The following RALGAPA1 variants were observed in gnomAD, a reference collection of about 807,000 sequenced individuals.
RALGAPA1 encodes the protein Ral GTPase activating protein catalytic subunit alpha 1, also known as ral GTPase-activating protein subunit alpha-1.
Under a neutral mutation model 269.6 loss-of-function variants are expected in RALGAPA1, and 52 were observed. The observed-to-expected ratio is 0.19, with a 90% confidence interval of 0.15 to 0.24. The LOEUF is 0.24. Ranked by LOEUF, RALGAPA1 falls within the 10% of genes least tolerant of loss-of-function variation. The probability of loss-of-function intolerance (pLI) is 1.00; values close to 1 mark genes in which losing one functional copy is unlikely to be tolerated. For missense variants in RALGAPA1, 1,917 were observed against 3,013.9 expected (o/e 0.64, Z 8.52); for synonymous variants, 817 against 1,008.3 (o/e 0.81, Z 3.60).
intron 35 of RALGAPA1, among the ~76,000 whole-genome samples, chr14:35,614,773 G>A (rs1411084031): frequency 6.6e-6 from 1 of 151,954 alleles, no homozygotes; most frequent in Admixed American, 6.6e-5. Context: ...AATTCTAATT[G>A]TGAAAGAAAA....
chr14:35,799,563 GA>G (rs71124716), intron 1 of RALGAPA1, among the ~76,000 whole-genome samples: 24,861 of 108,716 alleles, frequency 0.23, 2,340 homozygotes, highest in African/African-American at 0.33. Context: ...CTCGGTCCCA[GA>G]AAAAAAAAAA....
chr14:35,715,920 G>A, intron 16 of RALGAPA1: 1 of 985,300 alleles, frequency 1.0e-6, no homozygotes, highest in African/African-American at 1.7e-5. Flanking sequence ...AAATGAGTAA[G>A]AAGAGTCTTA....
At chr14:35,718,676 C>T (rs1377132868) in intron 16 of RALGAPA1, among the ~76,000 whole-genome samples, 1 of 151,812 alleles carries the variant, frequency 6.6e-6, no homozygotes, top group South Asian at 2.1e-4. Flanking sequence ...ATTAGCCAGG[C>T]GTGGTGGCAT....
chr14:35,775,754 T>C lies in RALGAPA1; in HGVS notation c.107-9A>G. The stretch of plus-strand genomic sequence containing the variant: ...AATAGATTCTGCATTCTCTGAAAAA[T>C]AAAAAAAAATTACTGATTATTTACA... On this transcript the variant is annotated splice_polypyrimidine_tract_variant and intron_variant, in intron 1 of 41. Coordinates refer to ENST00000680220, the MANE Select transcript of RALGAPA1 (RefSeq NM_001346249.2). 1 of 1,519,676 alleles carries C rather than the reference T, an allele frequency of 6.6e-7. No individual in the cohort carries two copies. The highest frequency in any genetic ancestry group is 2.4e-5 in the East Asian group (1 of 40,886). The allele number at this position is 1,519,676 out of a possible 1,614,324, so 94.1% of individuals were successfully genotyped here. A position where few individuals can be genotyped will look rare whatever the true frequency, so the allele number is the denominator to read the frequency against.
chr14:35,580,894 G>A (rs1425411734), intron 37 of RALGAPA1, among the ~76,000 whole-genome samples: 2 of 152,034 alleles, frequency 1.3e-5, no homozygotes, highest in Admixed American at 6.6e-5. Flanking sequence ...TCCTTGCTGA[G>A]GTCAACAAGC....
chr14:35,662,120 T>C (rs2063577767), intron 27 of RALGAPA1, among the ~76,000 whole-genome samples: 1 of 152,182 alleles, frequency 6.6e-6, no homozygotes, highest in Non-Finnish European at 1.5e-5. Flanking sequence ...AACAAGGTGA[T>C]ATGTACAAAG....
chr14:35,637,911 T>C (rs939373235), intron 31 of RALGAPA1, among the ~76,000 whole-genome samples: 26 of 152,310 alleles, frequency 1.7e-4, no homozygotes, highest in African/African-American at 6.3e-4. Context: ...GAGAATGGCA[T>C]GACATATTTA....
intron 12 of RALGAPA1, among the ~76,000 whole-genome samples, chr14:35,729,082 A>G (rs1166491754): frequency 6.6e-6 from 1 of 152,168 alleles, no homozygotes; most frequent in Non-Finnish European, 1.5e-5. Flanking sequence ...CTCTATTGCT[A>G]TAATAAATTG....
intron 25 of RALGAPA1, 80 bp downstream of exon 25, chr14:35,672,787 A>G: frequency 1.5e-6 from 2 of 1,314,040 alleles, no homozygotes; most frequent in African/African-American, 1.6e-5. Flanking sequence ...GACCTTAAAA[A>G]GCAAGAGTTA....
At chr14:35,625,297 G>T in intron 35 of RALGAPA1, 64 bp downstream of exon 35, 4 of 1,036,114 alleles carry the variant, frequency 3.9e-6, no homozygotes, top group Non-Finnish European at 5.9e-6. Context: ...ATTATTCACA[G>T]TATTATTCTA....
intron 22 of RALGAPA1, among the ~76,000 whole-genome samples, chr14:35,675,350 G>A (rs2064850736): frequency 6.6e-6 from 1 of 152,012 alleles, no homozygotes; most frequent in Admixed American, 6.6e-5. Context: ...TAATTTTTTT[G>A]TATTTTTAGT....
intron 1 of RALGAPA1, among the ~76,000 whole-genome samples, chr14:35,791,739 T>A (rs371728008): frequency 1.3e-5 from 2 of 150,420 alleles, no homozygotes; most frequent in Admixed American, 1.3e-4. Context: ...ACCCCGTCTT[T>A]ACTAAAAATA....
At chr14:35,800,288 T>C (rs973796410) in intron 1 of RALGAPA1, among the ~76,000 whole-genome samples, 9 of 152,228 alleles carry the variant, frequency 5.9e-5, no homozygotes, top group African/African-American at 2.2e-4. Context: ...GCAGAATATA[T>C]ATTCCTTTCA....
intron 33 of RALGAPA1, among the ~76,000 whole-genome samples, chr14:35,633,345 T>C (rs903448579): frequency 1.3e-5 from 2 of 152,150 alleles, no homozygotes; most frequent in Non-Finnish European, 2.9e-5. Flanking sequence ...ATAAATTTTG[T>C]CTAATTGTTT....
In RALGAPA1 at chr14:35,681,704, T is replaced by C. The variant is rs1595119265; in HGVS notation, c.4471+2105A>G. 2.0e-5 allele frequency among the ~76,000 whole-genome samples: 3 copies of C among 152,164 alleles called. No homozygotes were observed. The South Asian group carries it at 6.2e-4, about 31-fold the overall frequency. ...TTTAAGTATACAGTTATTTGAAAAA[T>C]GGCAACTGCACATGGTCTTGTAACC... On this transcript the variant is annotated intron_variant, in intron 21 of 41. Coordinates refer to ENST00000680220, the MANE Select transcript of RALGAPA1 (RefSeq NM_001346249.2).
chr14:35,774,651 G>T (rs943603871), intron 3 of RALGAPA1, among the ~76,000 whole-genome samples: 1 of 152,078 alleles, frequency 6.6e-6, no homozygotes, highest in African/African-American at 2.4e-5. Flanking sequence ...AAAAGTTACA[G>T]GAATATACCT....
At chr14:35,744,328 G>A (rs1028078260) in intron 10 of RALGAPA1, among the ~76,000 whole-genome samples, 14 of 146,486 alleles carry the variant, frequency 9.6e-5, no homozygotes, top group Non-Finnish European at 1.6e-4. Context: ...CTGAGATCAC[G>A]CCACTGCACT....
chr14:35,561,893 C>G (rs1419104982), intron 39 of RALGAPA1, among the ~76,000 whole-genome samples: 1 of 152,090 alleles, frequency 6.6e-6, no homozygotes, highest in Non-Finnish European at 1.5e-5. Flanking sequence ...GAATGTTTGT[C>G]TGCTCTTGGA....
chr14:35,661,310 A>T (rs1388893384), intron 27 of RALGAPA1, among the ~76,000 whole-genome samples: 1 of 152,178 alleles, frequency 6.6e-6, no homozygotes, highest in Non-Finnish European at 1.5e-5. Context: ...TAATTTGTAA[A>T]ATATGACAAT....
Sources: gnomAD v4.1 joint callset for allele counts (sites outside exome capture counted in the v4.1 genomes callset) on GRCh38, gnomAD v4.1.1 for gene constraint, MANE v1.5 for transcripts, NCBI Gene and HGNC (gene_info 2026-07-23, HGNC 2026-07-21) for gene names.